Variants in GSDME observed in about 807,000 individuals in gnomAD.
The protein encoded by GSDME is gasdermin-E.
A neutral mutation model predicts 47.5 loss-of-function variants in GSDME; 44 were observed. The ratio of observed to expected loss-of-function variants is 0.93; its 90% CI spans 0.73 to 1.19. The LOEUF is 1.19. Among genes scored for constraint, GSDME ranks in the 50% most tolerant of loss-of-function variants. The pLI is 0.00. For missense variants in GSDME, 663 were observed against 604.2 expected (o/e 1.10, Z -1.02); for synonymous variants, 258 against 252.8 (o/e 1.02, Z -0.20).
At chr7:24,789,328 C>T in the GSDME span, among the ~76,000 whole-genome samples, 2 of 152,218 alleles carry the variant, frequency 1.3e-5, no homozygotes, top group East Asian at 1.9e-4. Flanking sequence ...CCCCCAGACA[C>T]AGAGTTGAGG....
At position 24,726,618 on chromosome 7, in the gene GSDME, T is replaced by C. The variant is rs1180070993; in HGVS notation, c.405-7400A>G. On this transcript the variant is annotated intron_variant, in intron 3 of 9. Transcript: ENST00000645220. This position sits in a 1 kb window ranked among gnomAD's most constrained non-coding sequence, Gnocchi z 5.6. ...GCGGGCGGATCACGAGGTCAGGAGA[T>C]CGAGACCATCCTGGTTAATATGGTG... 6.6e-6 allele frequency among the ~76,000 whole-genome samples: 1 copy of C among 151,988 alleles called. No homozygotes were observed. The highest frequency in any genetic ancestry group is 1.5e-5 in the Non-Finnish European group (1 of 67,974).
At chr7:24,764,902 C>T in the GSDME span, among the ~76,000 whole-genome samples, 1 of 152,194 alleles carries the variant, frequency 6.6e-6, no homozygotes, top group Non-Finnish European at 1.5e-5. The surrounding 1 kb of genome is among the most constrained non-coding windows in gnomAD (Gnocchi z 4.4). Flanking sequence ...TACTGTGTAC[C>T]TGAATAAATC....
rs757891973 is a variant in GSDME, at chr7:24,710,358, C to T, written c.728G>A (p.Gly243Asp). 3 of 1,614,130 alleles carry T rather than the reference C, an allele frequency of 1.9e-6. No individual in the cohort carries two copies. Among genetic ancestry groups the T allele is most frequent in the South Asian group, 1.1e-5 (1 of 91,090 alleles). ...EFCLLRGKQG[G>D]FENKKRIDSV... ...GTCAATTCTCTTCTTGTTCTCGAAG[C>T]CACCTTGCTTCCCTCGGAGAAGGCA... Residue 243 changes from glycine (G) to aspartate (D), a missense_variant, in exon 6 of 10, where the codon GGC (glycine) becomes GAC (aspartate). By Grantham distance (94) the Gly-to-Asp change is moderately conservative. Coordinates refer to ENST00000645220, the MANE Select transcript of GSDME (RefSeq NM_001127453.2).
intron 3 of GSDME, among the ~76,000 whole-genome samples, chr7:24,722,731 C>T (rs12669044): frequency 0.15 from 22,692 of 152,258 alleles, 2,085 homozygotes; most frequent in East Asian, 0.45. Flanking sequence ...GCCTAGACTA[C>T]TCAAGACTCC....
At chr7:24,790,818 C>G in the GSDME span, among the ~76,000 whole-genome samples, 2 of 152,142 alleles carry the variant, frequency 1.3e-5, no homozygotes, top group African/African-American at 4.8e-5. This position sits in a 1 kb window ranked among gnomAD's most constrained non-coding sequence, Gnocchi z 4.1. Flanking sequence ...AGGGTTCCAG[C>G]ACATTTATAA....
rs191403729 is a variant in GSDME, at chr7:24,750,504, T to C, written c.-19-711A>G. 2.3e-3 allele frequency among the ~76,000 whole-genome samples: 356 copies of C among 152,254 alleles called. 2 individuals carry two copies. Among genetic ancestry groups the C allele is most frequent in the Middle Eastern group, 0.01 (3 of 294 alleles). On this transcript the variant is annotated intron_variant, in intron 1 of 9. Transcript: ENST00000645220. ...GGCGCACAGCTGTAGTCCCAGCTAC[T>C]TGGGAGGCTGAGGTGGGAGGATTGC...
chr7:24,765,038 C>G, the GSDME span, among the ~76,000 whole-genome samples: 1 of 152,148 alleles, frequency 6.6e-6, no homozygotes, highest in Non-Finnish European at 1.5e-5. Context: ...GAAAGACCAG[C>G]CTTTGATTAG....
At position 24,733,316 on chromosome 7, in the gene GSDME, G is replaced by T. The variant is rs916093607; in HGVS notation, c.404+11246C>A. Among the ~76,000 whole-genome samples the T allele has an allele frequency of 2.0e-4, 31 of 152,234 alleles. No individual in the cohort carries two copies. The highest frequency in any genetic ancestry group is 7.5e-4 in the African/African-American group (31 of 41,540). On this transcript the variant is annotated intron_variant, in intron 3 of 9. Transcript: ENST00000645220. This position sits in a 1 kb window ranked among gnomAD's most constrained non-coding sequence, Gnocchi z 4.3. ...AGCCTTGGGTGAGACTCTGAGACAT[G>T]CTGACCCAGCTGTGGTCAGGTGTGA...
rs202227661 is a variant in GSDME, at chr7:24,744,641, C to A, written c.325G>T (p.Val109Leu). The stretch of plus-strand genomic sequence containing the variant: ...GTTCCAAATGAAGACTGGCTCTCTA[C>A]GCGGCTGCTGCCCCCCAGGTTCAGC... ...VKLNLGGSSR[V>L]ESQSSFGTLR... Residue 109 changes from valine (V) to leucine (L), a missense_variant, in exon 3 of 10, where the codon GTA becomes TTA. Physicochemically the swap from Val to Leu is conservative, Grantham distance 32. Coordinates refer to ENST00000645220, the MANE Select transcript of GSDME (RefSeq NM_001127453.2). The surrounding 1 kb of genome is among the most constrained non-coding windows in gnomAD (Gnocchi z 4.5). 6.2e-7 allele frequency: 1 copy of A among 1,614,190 alleles called. No homozygotes were observed. Among genetic ancestry groups the A allele is most frequent in the South Asian group, 1.1e-5 (1 of 91,084 alleles).
rs1379655210 is a variant in GSDME, at chr7:24,702,814, T to C, written c.1203A>G (p.Ala401=). The change falls in exon 9 of 10, where the codon GCA becomes GCG. Residue 401 remains alanine, a synonymous_variant. Coordinates refer to ENST00000645220, the MANE Select transcript of GSDME (RefSeq NM_001127453.2). Reference sequence around the variant, plus strand: ...GTTTGCAGCAAGTGCCCAGCAGAGCTGCTGCGCTATCTGGCATTTCTGCAG... The same window carrying C: ...GTTTGCAGCAAGTGCCCAGCAGAGCCGCTGCGCTATCTGGCATTTCTGCAG... ...SALAEMPDSA[A]ALLGTCCKLQ... is the part of the protein sequence containing the mutation. 1 of 1,613,562 alleles carries C rather than the reference T, an allele frequency of 6.2e-7. No homozygotes were observed. The highest frequency in any genetic ancestry group is 1.1e-5 in the South Asian group (1 of 91,040).
intron 3 of GSDME, among the ~76,000 whole-genome samples, chr7:24,729,161 G>A (rs1022966682): frequency 6.6e-6 from 1 of 152,208 alleles, no homozygotes; most frequent in African/African-American, 2.4e-5. Context: ...AATGCAGCAA[G>A]CCTGGAAGAT....
the GSDME span, among the ~76,000 whole-genome samples, chr7:24,793,040 T>C: frequency 6.6e-6 from 1 of 152,204 alleles, no homozygotes; most frequent in Non-Finnish European, 1.5e-5. Flanking sequence ...TGCACCTATT[T>C]TTATTAGTTT....
Position 24,742,367 on chromosome 7 carries a change from C to T in GSDME, c.404+2195G>A, listed in dbSNP as rs931610433. On this transcript the variant is annotated intron_variant, in intron 3 of 9. Coordinates refer to ENST00000645220, the MANE Select transcript of GSDME (RefSeq NM_001127453.2). This position sits in a 1 kb window ranked among gnomAD's most constrained non-coding sequence, Gnocchi z 4.4. ...ATTTCTCCTTCCTGAGCCTTGGTGC[C>T]ATTAAGTGTAAAAGGAGATGGCTGT... 6.6e-6 allele frequency among the ~76,000 whole-genome samples: 1 copy of T among 152,160 alleles called. No individual in the cohort carries two copies. Among genetic ancestry groups the T allele is most frequent in the Non-Finnish European group, 1.5e-5 (1 of 68,030 alleles).
chr7:24,787,615 C>T, the GSDME span, among the ~76,000 whole-genome samples: 2 of 152,128 alleles, frequency 1.3e-5, no homozygotes, highest in African/African-American at 2.4e-5. The surrounding 1 kb of genome is among the most constrained non-coding windows in gnomAD (Gnocchi z 5.0). Context: ...ATAAAGAAGA[C>T]AGCATGCTCT....
rs901883276 is a variant in GSDME at position 24,745,576 on chromosome 7, T to C, written c.212-822A>G. ...GTCAGCCTTCTCACATCTCCAGGTT[T>C]CTACTATTCTCTTTTGTAATCCAAA... On this transcript the variant is annotated intron_variant, in intron 2 of 9. Transcript: ENST00000645220. This position sits in a 1 kb window ranked among gnomAD's most constrained non-coding sequence, Gnocchi z 4.4. Among the ~76,000 whole-genome samples, 3 of 152,212 alleles carry C rather than the reference T, an allele frequency of 2.0e-5. No individual in the cohort carries two copies. Among genetic ancestry groups the C allele is most frequent in the Non-Finnish European group, 2.9e-5 (2 of 68,030 alleles).
intron 5 of GSDME, among the ~76,000 whole-genome samples, chr7:24,711,214 G>A (rs549006967): frequency 5.3e-5 from 8 of 152,186 alleles, no homozygotes; most frequent in Non-Finnish European, 1.0e-4. Flanking sequence ...ATAATAAAAA[G>A]GTTTGTTTTT....
At chr7:24,769,204 T>G in the GSDME span, among the ~76,000 whole-genome samples, 1,406 of 152,228 alleles carry the variant, frequency 9.2e-3, 20 homozygotes, top group African/African-American at 0.033. Context: ...ACTCACAACT[T>G]ACCAGAGCAG....
At chr7:24,795,287 C>A in the GSDME span, among the ~76,000 whole-genome samples, 1 of 152,184 alleles carries the variant, frequency 6.6e-6, no homozygotes, top group African/African-American at 2.4e-5. Flanking sequence ...CAGGCCTAAG[C>A]CTCCTAAGCA....
rs200076673 is a variant in GSDME, at chr7:24,705,995, C to CCCCCT, written c.1183+188_1183+189insAGGGG. On this transcript the variant is annotated intron_variant, in intron 8 of 9. Coordinates refer to ENST00000645220, the MANE Select transcript of GSDME (RefSeq NM_001127453.2). The surrounding 1 kb of genome is among the most constrained non-coding windows in gnomAD (Gnocchi z 4.1). Reference sequence around the variant, plus strand: ...GGGAGGCTTGTGCTGGATGGAAAGGCACAGACTCGAGACCGAAGGGGGGTT... The same window carrying CCCCCT: ...GGGAGGCTTGTGCTGGATGGAAAGGCCCCCTACAGACTCGAGACCGAAGGGGGGTT... 0.051 allele frequency: 36,609 copies of CCCCCT among 715,800 alleles called. 1,115 individuals carry two copies. The highest frequency in any genetic ancestry group is 0.059 in the Non-Finnish European group (24,565 of 417,210). The allele number at this position is 715,800 out of a possible 1,614,324, so 44.3% of individuals were successfully genotyped here.
Sources: gnomAD v4.1 joint callset for allele counts (sites outside exome capture counted in the v4.1 genomes callset) on GRCh38, gnomAD v4.1.1 for gene constraint, Gnocchi (gnomAD v3.1) non-coding constraint, MANE v1.5 for transcripts, NCBI Gene and HGNC (gene_info 2026-07-23, HGNC 2026-07-21) for gene names.